ARHGAP9: variants seen among roughly 807,000 people sequenced by gnomAD.
ARHGAP9 encodes Rho GTPase activating protein 9, also known as rho GTPase-activating protein 9.
Under a neutral mutation model 87.3 loss-of-function variants are expected in ARHGAP9, and 76 were observed. That is an observed-to-expected ratio of 0.87 (90% CI 0.72 to 1.05). ARHGAP9 has a LOEUF of 1.05. Ranked by LOEUF, ARHGAP9 falls within the 50% of genes least tolerant of loss-of-function variation. The pLI is 0.00. For missense variants in ARHGAP9, 941 were observed against 960.5 expected (o/e 0.98, Z 0.27); for synonymous variants, 382 against 394.9 (o/e 0.97, Z 0.39).
At chr12:57,480,684 G>A, upstream of ARHGAP9, 1 of 1,198,236 alleles carries the variant, frequency 8.3e-7, no homozygotes, top group Non-Finnish European at 1.2e-6. Context: ...AGGTAGATAG[G>A]GGACTGATGC....
In ARHGAP9 at chr12:57,477,622, C is replaced by G; in HGVS notation, c.593G>C (p.Arg198Pro). The change falls in exon 4 of 18, where the codon CGC becomes CCC. Residue 198 changes from arginine to proline, a missense_variant. Physicochemically the swap from Arg to Pro is moderately radical, Grantham distance 103. Transcript: ENST00000393791. ...PPVYCNLVDL[R>P]RCPRSPPPGP... ...TGGGGGTGGGGACCGAGGACAGCGGCGAAGGTCCACCAGGTTACAGTACAC... is the reference window on the plus strand; with the variant it reads ...TGGGGGTGGGGACCGAGGACAGCGGGGAAGGTCCACCAGGTTACAGTACAC... The G allele has an allele frequency of 1.2e-6, 2 of 1,612,798 alleles. No homozygotes were observed. Among genetic ancestry groups the G allele is most frequent in the African/African-American group, 2.7e-5 (2 of 74,794 alleles).
upstream of ARHGAP9, chr12:57,480,714 G>A (rs1874922903): frequency 1.4e-6 from 2 of 1,446,978 alleles, no homozygotes; most frequent in South Asian, 2.4e-5. Flanking sequence ...CTTGGTGGAA[G>A]GTGGGAAGTG....
Position 57,477,266 on chromosome 12 carries a change from G to C in ARHGAP9, c.760C>G (p.Pro254Ala). ...GTCTGTGTCCCCTCCATGGAGCCAG[G>C]GTTCTGGGTTAGGGGAGGAGGAAAT... is the stretch of plus-strand genomic sequence containing the variant. ...PPRRSRSETN[P>A]GSMEGTQTLK... is the part of the protein sequence containing the mutation. The change falls in exon 5 of 18, where the codon CCT becomes GCT. Residue 254 changes from proline (P) to alanine (A), a missense_variant. Transcript: ENST00000393791. The C allele has an allele frequency of 6.4e-7, 1 of 1,562,292 alleles. No individual in the cohort carries two copies.
rs775971198 is a variant in ARHGAP9 at position 57,479,733 on chromosome 12, G to A, written c.-22C>T. On this transcript the variant is annotated 5_prime_UTR_variant, in exon 1 of 18. Coordinates refer to ENST00000393791, the MANE Select transcript of ARHGAP9 (RefSeq NM_032496.4). ...CCAGTAGTTTTCCTCCAAGTACCTT[G>A]TGGGGCCCATCAGAAGATTCAGGAG... The A allele has an allele frequency of 3.3e-5, 51 of 1,550,678 alleles. No individual in the cohort carries two copies. The highest frequency in any genetic ancestry group is 4.3e-5 in the Non-Finnish European group (49 of 1,147,002).
rs3802989 is a variant in ARHGAP9, at chr12:57,478,665, G to A, written c.409C>T (p.Arg137Cys). ...ASSEQPPPLPRKMCRSVSTDN... is the reference protein window; with the variant it reads ...ASSEQPPPLPCKMCRSVSTDN... ...GTGCTGACGCTCCTACACATTTTGC[G>A]GGGAAGTGGAGGAGGCTGCTCCGAG... The change falls in exon 3 of 18, where the codon CGC becomes TGC. Residue 137 changes from arginine to cysteine, a missense_variant. Arg to Cys is a radical substitution (Grantham distance 180). Coordinates refer to ENST00000393791, the MANE Select transcript of ARHGAP9 (RefSeq NM_032496.4). 851 of 1,614,144 alleles carry A rather than the reference G, an allele frequency of 5.3e-4. 8 individuals carry two copies. In the East Asian group the frequency reaches 0.016, roughly 31 times the overall value.
At position 57,477,048 on chromosome 12, in the gene ARHGAP9, G is replaced by A. The variant is rs553886787; in HGVS notation, c.871-85C>T. On this transcript the variant is annotated intron_variant, in intron 5 of 17. Transcript: ENST00000393791. The stretch of plus-strand genomic sequence containing the variant: ...AAGGAGGAAGAGGGGTGGGATACGG[G>A]TGAGAGGTGGGGGGTGTGGTGGGGA... The A allele has an allele frequency of 2.0e-6, 3 of 1,514,518 alleles. No individual in the cohort carries two copies. In the Admixed American group the frequency reaches 5.2e-5, roughly 26 times the overall value. The allele number at this position is 1,514,518 out of a possible 1,614,324, so 93.8% of individuals were successfully genotyped here. A position where few individuals can be genotyped will look rare whatever the true frequency, so the allele number is the denominator to read the frequency against.
rs1435236306 is a variant in ARHGAP9 at position 57,475,543 on chromosome 12, C to T, written c.1384G>A (p.Glu462Lys). The change falls in exon 11 of 18, where the codon GAA becomes AAA. Residue 462 changes from glutamate (E) to lysine (K), a missense_variant. By Grantham distance (56) the Glu-to-Lys change is moderately conservative. Coordinates refer to ENST00000393791, the MANE Select transcript of ARHGAP9 (RefSeq NM_032496.4). ...PAELSAGEDE[E>K]EESELVSKPL... ...TTGGACACCAGCTCCGACTCCTCTT[C>T]TTCGTCCTCCCCGGCGCTCAGCTCC... 5 of 1,608,184 alleles carry T rather than the reference C, an allele frequency of 3.1e-6. No homozygotes were observed. The highest frequency in any genetic ancestry group is 4.2e-6 in the Non-Finnish European group (5 of 1,177,884).
intron 1 of ARHGAP9, chr12:57,488,589 C>A (rs747412580): frequency 6.4e-7 from 1 of 1,550,970 alleles, no homozygotes; most frequent in Non-Finnish European, 8.7e-7. Flanking sequence ...TCCTAACACA[C>A]ACACACGTTC....
upstream of ARHGAP9, among the ~76,000 whole-genome samples, chr12:57,484,640 C>A (rs1268925876): frequency 1.3e-5 from 2 of 151,934 alleles, no homozygotes; most frequent in African/African-American, 4.8e-5. Context: ...AGAGACCTAC[C>A]TCAGTTTGTT....
chr12:57,488,038 A>C (rs1362823385), intron 1 of ARHGAP9: 4 of 1,512,872 alleles, frequency 2.6e-6, no homozygotes, highest in East Asian at 2.3e-5. Flanking sequence ...AGGCCGCTGA[A>C]CTCAGAAGCG....
chr12:57,476,374 G>C lies in ARHGAP9; in HGVS notation c.1106C>G (p.Ser369Cys), dbSNP rs776345086. 2 of 1,613,966 alleles carry C rather than the reference G, an allele frequency of 1.2e-6. No homozygotes were observed. ...FYREPPPTAP[S>C]SGWGPAGSRP... ...CTCGCTCACACTCACCCAGCCTGAG[G>C]AGGGCGCTGTCGGCGGTGGCTCTCG... Residue 369 changes from serine to cysteine, a missense_variant, in exon 8 of 18, where the codon TCC becomes TGC. Ser to Cys is a moderately radical substitution (Grantham distance 112). Coordinates refer to ENST00000393791, the MANE Select transcript of ARHGAP9 (RefSeq NM_032496.4).
Position 57,476,385 on chromosome 12 carries a change from C to T in ARHGAP9, c.1095G>A (p.Pro365=), listed in dbSNP as rs1452213270. 2 of 1,613,976 alleles carry T rather than the reference C, an allele frequency of 1.2e-6. No individual in the cohort carries two copies. The highest frequency in any genetic ancestry group is 1.7e-6 in the Non-Finnish European group (2 of 1,180,004). ...NSLVFYREPP[P]TAPSSGWGPA... ...TCACCCAGCCTGAGGAGGGCGCTGTCGGCGGTGGCTCTCGGTAGAACACCA... is the reference window on the plus strand; with the variant it reads ...TCACCCAGCCTGAGGAGGGCGCTGTTGGCGGTGGCTCTCGGTAGAACACCA... Residue 365 remains proline, a synonymous_variant, in exon 8 of 18, where the codon CCG becomes CCA. Transcript: ENST00000393791.
intron 1 of ARHGAP9, chr12:57,488,094 A>G (rs768218128): frequency 6.2e-7 from 1 of 1,613,896 alleles, no homozygotes; most frequent in Admixed American, 1.7e-5. Context: ...CGGCGAAATG[A>G]GACTGTTCGT....
Position 57,478,583 on chromosome 12 carries a change from G to C in ARHGAP9, c.491C>G (p.Ser164Cys). 1.2e-6 allele frequency: 2 copies of C among 1,614,110 alleles called. No individual in the cohort carries two copies. The highest frequency in any genetic ancestry group is 4.5e-5 in the East Asian group (2 of 44,850). Reference sequence around the variant, plus strand: ...TGACGGCAAGTCTTCCTGGGAGAGGGATCTTCCGCTTGGTCCTTCCTGGAA... The same window carrying C: ...TGACGGCAAGTCTTCCTGGGAGAGGCATCTTCCGCTTGGTCCTTCCTGGAA... ...KPFQEGPSGR[S>C]LSQEDLPSEA... The change falls in exon 3 of 18, where the codon TCC (serine) becomes TGC (cysteine). Residue 164 changes from serine (S) to cysteine (C), a missense_variant. Physicochemically the swap from Ser to Cys is moderately radical, Grantham distance 112. Coordinates refer to ENST00000393791, the MANE Select transcript of ARHGAP9 (RefSeq NM_032496.4).
intron 3 of ARHGAP9, chr12:57,478,335 A>T: frequency 1.7e-6 from 1 of 597,942 alleles, no homozygotes; most frequent in Non-Finnish European, 2.9e-6. Context: ...GAGTCAACTG[A>T]ATGCCGTGAC....
intron 2 of ARHGAP9, 39 bp downstream of exon 2, chr12:57,479,052 G>C (rs200848707): frequency 1.3e-6 from 2 of 1,597,076 alleles, no homozygotes; most frequent in African/African-American, 2.7e-5. Flanking sequence ...GGTGATGGGA[G>C]GTAGGAAGGT....
chr12:57,474,797 C>T, intron 13 of ARHGAP9, 78 bp downstream of exon 13: 1 of 1,605,598 alleles, frequency 6.2e-7, no homozygotes, highest in Non-Finnish European at 8.5e-7. Context: ...AGTAGGAAGA[C>T]TAGGTAGAAT....
intron 3 of ARHGAP9, 188 bp downstream of exon 3, chr12:57,478,352 G>A: frequency 1.6e-6 from 1 of 637,856 alleles, no homozygotes; most frequent in South Asian, 2.0e-5. Flanking sequence ...TGACCTCACA[G>A]ATGTCTCCCC....
In ARHGAP9 at chr12:57,478,760, G is replaced by A. The variant is rs760726630; in HGVS notation, c.317-3C>T. ...GGAACCATGAAACAACTTCGGCCCT[G>A]GAAACAGAAAAGGGGAGGGTGGGTG... On this transcript the variant is annotated splice_region_variant and splice_polypyrimidine_tract_variant and intron_variant, in intron 2 of 17. Coordinates refer to ENST00000393791, the MANE Select transcript of ARHGAP9 (RefSeq NM_032496.4). The A allele has an allele frequency of 3.1e-6, 5 of 1,603,916 alleles. No individual in the cohort carries two copies. The South Asian group carries it at 5.5e-5, about 18-fold the overall frequency.
Sources: allele counts gnomAD v4.1 joint callset (sites outside exome capture counted in the v4.1 genomes callset), GRCh38; gene constraint gnomAD v4.1.1; transcripts MANE v1.5; gene names NCBI Gene and HGNC (gene_info 2026-07-23, HGNC 2026-07-21).